Variants in MAST4 observed in about 807,000 individuals in gnomAD.
The protein encoded by MAST4 is microtubule-associated serine/threonine-protein kinase 4.
In MAST4, 89 loss-of-function variants were observed where a neutral mutation model predicts 162.7. The observed-to-expected ratio is 0.55, with a 90% CI of 0.46 to 0.65. The LOEUF (loss-of-function observed/expected upper bound fraction) is 0.65. Among genes scored for constraint, MAST4 ranks in the 30% least tolerant of loss-of-function variants. MAST4 has a pLI of 0.00. For synonymous variants in MAST4, 1,479 were observed against 1,361.1 expected (o/e 1.09, Z -1.91); for missense variants, 3,153 against 3,374.0 (o/e 0.93, Z 1.62).
In MAST4 at chr5:67,142,054, G is replaced by T. The variant is rs1486264101; in HGVS notation, c.2495-61G>T. On this transcript the variant is annotated intron_variant, in intron 19 of 28. Transcript: ENST00000403625. ...AAATTGTTGTTAAAAACTGATGTTT[G>T]CCTTTGCTTAGTGGGGATAGTTTAA... is the stretch of plus-strand genomic sequence containing the variant. 11 of 1,531,814 alleles carry T rather than the reference G, an allele frequency of 7.2e-6. No homozygotes were observed. In the East Asian group the frequency reaches 2.5e-4, roughly 35 times the overall value. The allele number at this position is 1,531,814 out of a possible 1,614,324, so 94.9% of individuals were successfully genotyped here.
chr5:66,819,711 G>T (rs56403004), intron 3 of MAST4, among the ~76,000 whole-genome samples: 10 of 151,100 alleles, frequency 6.6e-5, no homozygotes, highest in South Asian at 2.1e-4. Flanking sequence ...TTGTTTTTTT[G>T]GGGGGGAAGT....
intron 4 of MAST4, among the ~76,000 whole-genome samples, chr5:67,027,747 G>A (rs188748878): frequency 8.0e-4 from 122 of 152,308 alleles, no homozygotes; most frequent in African/African-American, 2.8e-3. Context: ...AAGCAATTCA[G>A]ATATGAAATA....
intron 3 of MAST4, among the ~76,000 whole-genome samples, chr5:66,898,684 G>A (rs1199352230): frequency 6.6e-6 from 1 of 152,212 alleles, no homozygotes; most frequent in Admixed American, 6.5e-5. Context: ...GCTATTGGGT[G>A]AAAGAAGACG....
intron 1 of MAST4, among the ~76,000 whole-genome samples, chr5:66,729,494 TC>T (rs998424631): frequency 2.7e-4 from 41 of 152,214 alleles, no homozygotes; most frequent in African/African-American, 9.4e-4. Flanking sequence ...CATTCTTTTT[TC>T]ATAATGAAAT....
At position 66,887,496 on chromosome 5, in the gene MAST4, C is replaced by T. The variant is rs550463788; in HGVS notation, c.643-12455C>T. 1.4e-4 allele frequency among the ~76,000 whole-genome samples: 22 copies of T among 152,306 alleles called. No individual in the cohort carries two copies. The South Asian group carries it at 3.9e-3, about 27-fold the overall frequency. ...TAAATAAATAGAGATTTATCTTTCT[C>T]ATATAAAAATATTTGTTGGTAGAAT... On this transcript the variant is annotated intron_variant, in intron 3 of 28. Coordinates refer to ENST00000403625, the MANE Select transcript of MAST4 (RefSeq NM_001164664.2).
intron 3 of MAST4, among the ~76,000 whole-genome samples, chr5:66,799,777 G>A (rs1279450948): frequency 3.9e-5 from 6 of 152,160 alleles, no homozygotes; most frequent in African/African-American, 1.4e-4. Context: ...TTAGAGTAAT[G>A]TTTAAGAGCA....
At chr5:66,632,326 A>C (rs1744840527) in intron 1 of MAST4, among the ~76,000 whole-genome samples, 1 of 151,780 alleles carries the variant, frequency 6.6e-6, no homozygotes, top group Non-Finnish European at 1.5e-5. Flanking sequence ...TTTTAATGGC[A>C]TTTTTTTAAA....
At chr5:66,772,232 A>G (rs1222573219) in intron 2 of MAST4, among the ~76,000 whole-genome samples, 1 of 152,158 alleles carries the variant, frequency 6.6e-6, no homozygotes, top group Non-Finnish European at 1.5e-5. Context: ...GTACCATTTC[A>G]CACAACACTG....
chr5:66,823,842 T>G (rs1474543346), intron 3 of MAST4, among the ~76,000 whole-genome samples: 1 of 152,112 alleles, frequency 6.6e-6, no homozygotes, highest in African/African-American at 2.4e-5. Flanking sequence ...GAAAATAAAG[T>G]ACAAAAATTA....
intron 4 of MAST4, among the ~76,000 whole-genome samples, chr5:66,937,166 T>C (rs1365999867): frequency 6.6e-6 from 1 of 152,210 alleles, no homozygotes; most frequent in Non-Finnish European, 1.5e-5. Context: ...CCCTACTGTA[T>C]GTCAAGCACT....
chr5:67,079,994 T>G (rs955821169), intron 5 of MAST4, among the ~76,000 whole-genome samples: 1 of 152,208 alleles, frequency 6.6e-6, no homozygotes, highest in Non-Finnish European at 1.5e-5. Context: ...CTGTCCAGCT[T>G]CTTAGCGCTA....
chr5:66,713,882 C>T lies in MAST4; in HGVS notation c.364-45827C>T, dbSNP rs1356891183. On this transcript the variant is annotated intron_variant, in intron 1 of 28. Transcript: ENST00000403625. ...TTATTTTTTTCATGATGGTCTAGTTCTGTCTCAGTGATGACAATCACAATA... is the reference window on the plus strand; with the variant it reads ...TTATTTTTTTCATGATGGTCTAGTTTTGTCTCAGTGATGACAATCACAATA... 2.6e-5 allele frequency among the ~76,000 whole-genome samples: 4 copies of T among 152,120 alleles called. No homozygotes were observed. In the East Asian group the frequency reaches 5.8e-4, roughly 22 times the overall value.
intron 4 of MAST4, among the ~76,000 whole-genome samples, chr5:66,958,707 A>G (rs1581014527): frequency 6.6e-6 from 1 of 152,108 alleles, no homozygotes; most frequent in South Asian, 2.1e-4. Flanking sequence ...ACTATTCCTC[A>G]TTTATTTCTT....
chr5:67,148,624 G>C (rs991344368), intron 23 of MAST4, among the ~76,000 whole-genome samples: 1 of 152,204 alleles, frequency 6.6e-6, no homozygotes, highest in African/African-American at 2.4e-5. Flanking sequence ...AGTAAAGAAG[G>C]TGTGGTTTAG....
intron 4 of MAST4, among the ~76,000 whole-genome samples, chr5:67,048,806 G>A (rs1307692695): frequency 6.6e-6 from 1 of 151,284 alleles, no homozygotes; most frequent in African/African-American, 2.4e-5. Context: ...TACCTTTACA[G>A]AATCAAATAA....
At chr5:67,153,140 T>G (rs1304244741) in intron 25 of MAST4, among the ~76,000 whole-genome samples, 1 of 152,256 alleles carries the variant, frequency 6.6e-6, no homozygotes, top group Non-Finnish European at 1.5e-5. Flanking sequence ...ATTTCCATCC[T>G]TCTTTTATTT....
rs1488427501 is a variant in MAST4, at chr5:67,114,237, T to A, written c.1591+18T>A. On this transcript the variant is annotated intron_variant, in intron 12 of 28. Coordinates refer to ENST00000403625, the MANE Select transcript of MAST4 (RefSeq NM_001164664.2). The stretch of plus-strand genomic sequence containing the variant: ...CTTGGAAGGTGAGTCCCTGGGTTGT[T>A]CCTACCTTTGACTTTGCTTATGCAC... 1 of 1,602,436 alleles carries A rather than the reference T, an allele frequency of 6.2e-7. No individual in the cohort carries two copies. Among genetic ancestry groups the A allele is most frequent in the Non-Finnish European group, 8.5e-7 (1 of 1,176,382 alleles).
intron 5 of MAST4, among the ~76,000 whole-genome samples, chr5:67,089,255 G>T (rs1387793621): frequency 2.0e-5 from 3 of 152,194 alleles, no homozygotes; most frequent in Non-Finnish European, 4.4e-5. Flanking sequence ...AATTAAACAT[G>T]CAGAGGGAAG....
chr5:67,151,660 T>C (rs762073841), intron 24 of MAST4, among the ~76,000 whole-genome samples: 14 of 152,026 alleles, frequency 9.2e-5, no homozygotes, highest in Non-Finnish European at 7.4e-5. Context: ...GTAATATATG[T>C]AGAGAATCAG....
Sources: allele counts gnomAD v4.1 joint callset (sites outside exome capture counted in the v4.1 genomes callset), GRCh38; gene constraint gnomAD v4.1.1; transcripts MANE v1.5; gene names NCBI Gene and HGNC (gene_info 2026-07-23, HGNC 2026-07-21).